The following SAMD14 variants were observed in gnomAD, a reference collection of about 807,000 sequenced individuals.
The protein encoded by SAMD14 is sterile alpha motif domain containing 14, also known as sterile alpha motif domain-containing protein 14.
Under a neutral mutation model 46.2 loss-of-function variants are expected in SAMD14, and 27 were observed. The ratio of observed to expected loss-of-function variants is 0.58; its 90% CI spans 0.43 to 0.81. The LOEUF (loss-of-function observed/expected upper bound fraction) is 0.81. Ranked by LOEUF, SAMD14 falls within the 30% of genes least tolerant of loss-of-function variation. The probability of loss-of-function intolerance (pLI) is 0.00; values close to 1 mark genes in which losing one functional copy is unlikely to be tolerated. For missense variants in SAMD14, 559 were observed against 582.2 expected, an observed-to-expected ratio of 0.96 and a Z score of 0.41; for synonymous variants, 241 against 254.3, an observed-to-expected ratio of 0.95 and a Z score of 0.50.
At chr17:50,117,307 G>T in intron 4 of SAMD14, 100 bp downstream of exon 4, 2 of 1,158,640 alleles carry the variant, frequency 1.7e-6, no homozygotes, top group Non-Finnish European at 1.1e-6. Context: ...CAGCCACCCT[G>T]CTCAGCTGCC....
chr17:50,114,276 G>A lies in SAMD14; in HGVS notation c.853C>T (p.Pro285Ser). ...CTGGGGATCTTGGGGCTGCTGCTGG[G>A]GGGCGTGGAGTCATCACTCAGAGTG... ...ESTLSDDSTP[P>S]SSSPKIPSGP... Residue 285 changes from proline (P) to serine (S), a missense_variant, in exon 8 of 10, where the codon CCC becomes TCC. Pro to Ser is a moderately conservative substitution (Grantham distance 74). Transcript: ENST00000330175. The A allele has an allele frequency of 6.2e-7, 1 of 1,614,098 alleles. No individual in the cohort carries two copies. The highest frequency in any genetic ancestry group is 1.6e-4 in the Middle Eastern group (1 of 6,062).
chr17:50,129,012 T>TCGGGGAGGCAGTTGTGGAGC lies in SAMD14; in HGVS notation c.-13+485_-13+504dup, dbSNP rs1444615679. 2.0e-5 allele frequency among the ~76,000 whole-genome samples: 3 copies of TCGGGGAGGCAGTTGTGGAGC among 152,064 alleles called. No homozygotes were observed. The highest frequency in any genetic ancestry group is 4.4e-5 in the Non-Finnish European group (3 of 67,994). Reference sequence around the variant, plus strand: ...GGTGGATGGGAAAGGAGACTAGCGGTCGGGGAGGCAGTTGTGGAGCCAGAG... The same window carrying TCGGGGAGGCAGTTGTGGAGC: ...GGTGGATGGGAAAGGAGACTAGCGGTCGGGGAGGCAGTTGTGGAGCCGGGGAGGCAGTTGTGGAGCCAGAG... On this transcript the variant is annotated intron_variant, in intron 1 of 9. Coordinates refer to ENST00000330175, the MANE Select transcript of SAMD14 (RefSeq NM_001257359.2). The surrounding 1 kb of genome is among the most constrained non-coding windows in gnomAD (Gnocchi z 5.6).
intron 9 of SAMD14, 56 bp from the exon 10 acceptor site, chr17:50,113,104 T>A (rs1910954436): frequency 1.3e-6 from 2 of 1,586,208 alleles, no homozygotes; most frequent in Non-Finnish European, 1.7e-6. Flanking sequence ...AGTCCTGGCC[T>A]CCCACGCCCA....
Position 50,115,540 on chromosome 17 carries a change from G to C in SAMD14, c.822+24C>G. On this transcript the variant is annotated intron_variant, in intron 7 of 9. Coordinates refer to ENST00000330175, the MANE Select transcript of SAMD14 (RefSeq NM_001257359.2). This position sits in a 1 kb window ranked among gnomAD's most constrained non-coding sequence, Gnocchi z 5.3. ...TCACCTGAGACTGGGGGCCAGTTTGGGGACAAGAAAGGCATGGACTTACCT... is the reference window on the plus strand; with the variant it reads ...TCACCTGAGACTGGGGGCCAGTTTGCGGACAAGAAAGGCATGGACTTACCT... 1 of 1,512,126 alleles carries C rather than the reference G, an allele frequency of 6.6e-7. No homozygotes were observed. The highest frequency in any genetic ancestry group is 8.9e-7 in the Non-Finnish European group (1 of 1,128,376). The allele number at this position is 1,512,126 out of a possible 1,614,324, so 93.7% of individuals were successfully genotyped here. A position where few individuals can be genotyped will look rare whatever the true frequency, so the allele number is the denominator to read the frequency against.
chr17:50,127,100 CAA>C lies in SAMD14; in HGVS notation c.-12-2131_-12-2130del, dbSNP rs11336635. Among the ~76,000 whole-genome samples the C allele has an allele frequency of 4.1e-3, 570 of 137,350 alleles. 5 individuals carry two copies. The highest frequency in any genetic ancestry group is 0.013 in the African/African-American group (499 of 37,282). The allele number at this position is 137,350 out of a possible 152,430, so 90.1% of individuals were successfully genotyped here. ...GGGTGACAAGAGGGAGACTCCATCTCAAAAAAAAAAAAATTAAGTAAATAAGT... is the reference window on the plus strand; with the variant it reads ...GGGTGACAAGAGGGAGACTCCATCTCAAAAAAAAAAATTAAGTAAATAAGT... On this transcript the variant is annotated intron_variant, in intron 1 of 9. Coordinates refer to ENST00000330175, the MANE Select transcript of SAMD14 (RefSeq NM_001257359.2).
rs957718470 is a variant in SAMD14 at position 50,113,632 on chromosome 17, A to G, written c.1098+292T>C. ...GATACCAGGACACTCATATGCATCAAGGGTCATCCTAGAGGGCAAGGTCAG... is the reference window on the plus strand; with the variant it reads ...GATACCAGGACACTCATATGCATCAGGGGTCATCCTAGAGGGCAAGGTCAG... On this transcript the variant is annotated intron_variant, in intron 9 of 9. Coordinates refer to ENST00000330175, the MANE Select transcript of SAMD14 (RefSeq NM_001257359.2). 2.7e-5 allele frequency: 12 copies of G among 451,238 alleles called. 1 individual carries two copies. Among genetic ancestry groups the G allele is most frequent in the South Asian group, 4.6e-5 (2 of 43,666 alleles). 28.0% of individuals were successfully genotyped at this position (451,238 alleles called of 1,614,324 possible).
intron 2 of SAMD14, among the ~76,000 whole-genome samples, chr17:50,123,318 T>C (rs1321382982): frequency 6.6e-6 from 1 of 152,160 alleles, no homozygotes. Flanking sequence ...CAACCTCTCA[T>C]TGTATGGATG....
In SAMD14 at chr17:50,112,511, AGCAG is replaced by A. The variant is rs888609635; in HGVS notation, c.*378_*381del. ...CCGGCCTCAGGGCCTCTGGCAGGCAAGCAGGCAGGCAGGCCTCCTAGCTCCCCTC... is the reference window on the plus strand; with the variant it reads ...CCGGCCTCAGGGCCTCTGGCAGGCAAGCAGGCAGGCCTCCTAGCTCCCCTC... On this transcript the variant is annotated 3_prime_UTR_variant, in exon 10 of 10. Transcript: ENST00000330175. 3.8e-4 allele frequency: 63 copies of A among 166,476 alleles called. No individual in the cohort carries two copies. Among genetic ancestry groups the A allele is most frequent in the Admixed American group, 3.7e-4 (6 of 16,220 alleles). The allele number at this position is 166,476 out of a possible 1,614,324, so 10.3% of individuals were successfully genotyped here.
Position 50,111,093 on chromosome 17 carries a change from A to G in SAMD14, c.*1800T>C, listed in dbSNP as rs1910809801. ...GCTGCATCCCTGGGGGAGGGGACCC[A>G]CACGTGCGCACGTACACACGCACAC... On this transcript the variant is annotated 3_prime_UTR_variant, in exon 10 of 10. Transcript: ENST00000330175. 1 of 152,382 alleles carries G rather than the reference A, an allele frequency of 6.6e-6. No homozygotes were observed. Among genetic ancestry groups the G allele is most frequent in the Non-Finnish European group, 1.5e-5 (1 of 68,168 alleles). The allele number at this position is 152,382 out of a possible 1,614,324, so 9.4% of individuals were successfully genotyped here.
In SAMD14 at chr17:50,110,188, G is replaced by A. The variant is rs892779878; in HGVS notation, c.*2705C>T. On this transcript the variant is annotated 3_prime_UTR_variant, in exon 10 of 10. Transcript: ENST00000330175. ...CCTCACCATCCTCCTGGGGGAGCAG[G>A]GGGTGGGTTCTCCCTGATGACCAGG... 1.7e-5 allele frequency: 24 copies of A among 1,386,176 alleles called. No individual in the cohort carries two copies. The highest frequency in any genetic ancestry group is 2.2e-5 in the Non-Finnish European group (23 of 1,038,240). The allele number at this position is 1,386,176 out of a possible 1,614,324, so 85.9% of individuals were successfully genotyped here.
chr17:50,110,280 G>C lies in SAMD14; in HGVS notation c.*2613C>G, dbSNP rs542639866. On this transcript the variant is annotated 3_prime_UTR_variant, in exon 10 of 10. Transcript: ENST00000330175. ...GGTCCCTAAGTGCCAGTCCATCTCT[G>C]TGGAGACCCCTCGGTGGCCTCCCTA... is the stretch of plus-strand genomic sequence containing the variant. 2.9e-5 allele frequency: 16 copies of C among 558,350 alleles called. No homozygotes were observed. In the East Asian group the frequency reaches 5.3e-4, roughly 19 times the overall value. The allele number at this position is 558,350 out of a possible 1,614,324, so 34.6% of individuals were successfully genotyped here.
intron 2 of SAMD14, among the ~76,000 whole-genome samples, chr17:50,120,893 A>C (rs1911469578): frequency 6.7e-6 from 1 of 149,036 alleles, no homozygotes; most frequent in African/African-American, 2.5e-5. Context: ...CCAAAACTCC[A>C]CTCCTGTTTT....
rs559387187 is a variant in SAMD14 at position 50,127,052 on chromosome 17, A to C, written c.-12-2081T>G. Among the ~76,000 whole-genome samples, 5 of 151,884 alleles carry C rather than the reference A, an allele frequency of 3.3e-5. No homozygotes were observed. In the South Asian group the frequency reaches 1.0e-3, roughly 32 times the overall value. ...GAGGTGGAGGTTGCAGTGAGCCGAC[A>C]TCATGCCATTGCACTCCAGCCTGGG... On this transcript the variant is annotated intron_variant, in intron 1 of 9. Coordinates refer to ENST00000330175, the MANE Select transcript of SAMD14 (RefSeq NM_001257359.2).
chr17:50,114,158 C>T lies in SAMD14; in HGVS notation c.942+29G>A, dbSNP rs181673654. 2.7e-4 allele frequency: 439 copies of T among 1,614,036 alleles called. 2 individuals are homozygous for T. In the East Asian group the frequency reaches 7.6e-3, roughly 28 times the overall value. On this transcript the variant is annotated intron_variant, in intron 8 of 9. Transcript: ENST00000330175. ...CTTGCAGAGTCAGAGGTCAGGACTC[C>T]GTGGGCACCCTGGGCCAGCCTTGCT...
intron 1 of SAMD14, among the ~76,000 whole-genome samples, chr17:50,126,305 ATTT>A (rs397856571): frequency 7.2e-6 from 1 of 139,568 alleles, no homozygotes; most frequent in Admixed American, 7.1e-5. Context: ...AGCCTTGGGA[ATTT>A]TTTTTTTTTT....
At chr17:50,116,177 T>C in intron 4 of SAMD14, 87 bp from the exon 5 acceptor site, 1 of 1,511,450 alleles carries the variant, frequency 6.6e-7, no homozygotes, top group Non-Finnish European at 8.9e-7. Flanking sequence ...AGAAATTCTC[T>C]TGACTTAGAA....
intron 9 of SAMD14, chr17:50,113,288 C>T: frequency 3.9e-6 from 2 of 513,270 alleles, no homozygotes; most frequent in Non-Finnish European, 3.5e-6. Flanking sequence ...TCCTCCTCCC[C>T]CACCATTCCT....
At chr17:50,128,482 TCA>T (rs34869142) in intron 1 of SAMD14, among the ~76,000 whole-genome samples, 25,664 of 135,554 alleles carry the variant, frequency 0.19, 2,663 homozygotes, top group Admixed American at 0.31. Flanking sequence ...GCACACTCTC[TCA>T]CACACACACA....
intron 2 of SAMD14, among the ~76,000 whole-genome samples, chr17:50,123,069 T>A (rs748563734): frequency 3.9e-5 from 6 of 152,224 alleles, no homozygotes; most frequent in Non-Finnish European, 5.9e-5. Context: ...CTAATCCTTA[T>A]TGAGCTCTTA....
Sources: allele counts gnomAD v4.1 joint callset (sites outside exome capture counted in the v4.1 genomes callset), GRCh38; gene constraint gnomAD v4.1.1; non-coding constraint Gnocchi (gnomAD v3.1); transcripts MANE v1.5; gene names NCBI Gene and HGNC (gene_info 2026-07-23, HGNC 2026-07-21).